OGDHL: variants seen among roughly 807,000 people sequenced by gnomAD.
OGDHL encodes 2-oxoglutarate dehydrogenase-like, mitochondrial.
A neutral mutation model predicts 109.6 loss-of-function variants in OGDHL; 79 were observed. That is an observed-to-expected ratio of 0.72 (90% CI 0.60 to 0.87). OGDHL has a LOEUF of 0.87. Ranked by LOEUF, OGDHL falls within the 40% of genes least tolerant of loss-of-function variation. OGDHL has a pLI of 0.00. For synonymous variants in OGDHL, 528 were observed against 537.2 expected (o/e 0.98, Z 0.24); for missense variants, 1,275 against 1,362.2 (o/e 0.94, Z 1.01).
chr10:49,757,747 G>A (rs1044670070), intron 2 of OGDHL, among the ~76,000 whole-genome samples: 5 of 152,178 alleles, frequency 3.3e-5, no homozygotes, highest in Non-Finnish European at 7.3e-5. Context: ...AAAACAGCAG[G>A]GAGCAAAACA....
At chr10:49,757,285 G>A (rs1023338741) in intron 2 of OGDHL, among the ~76,000 whole-genome samples, 1 of 152,230 alleles carries the variant, frequency 6.6e-6, no homozygotes. Flanking sequence ...TGAAGCAGAA[G>A]AGGATGTATG....
chr10:49,760,113 T>A (rs1315271882), intron 1 of OGDHL, among the ~76,000 whole-genome samples: 1 of 152,236 alleles, frequency 6.6e-6, no homozygotes, highest in East Asian at 1.9e-4. Context: ...GTCACCTCAA[T>A]GGAGGGAGGA....
At position 49,735,318 on chromosome 10, in the gene OGDHL, G is replaced by A. The variant is rs1564517836; in HGVS notation, c.2943C>T (p.Ala981=). ...CCAGGTGAGTGTTCCTGTTTCCTGT[G>A]GCTGGTGCAGCCGCTGGGTCCCGGC... ...YVGRDPAAAP[A]TGNRNTHLVS... is the part of the protein sequence containing the mutation. Residue 981 remains alanine (A), a synonymous_variant, in exon 23 of 23, where the codon GCC becomes GCT. Coordinates refer to ENST00000374103, the MANE Select transcript of OGDHL (RefSeq NM_018245.3). The A allele has an allele frequency of 6.2e-7, 1 of 1,613,902 alleles. No individual in the cohort carries two copies. Among genetic ancestry groups the A allele is most frequent in the Admixed American group, 1.7e-5 (1 of 60,018 alleles).
intron 3 of OGDHL, 133 bp from the exon 4 acceptor site, chr10:49,752,873 C>T: frequency 1.6e-6 from 1 of 644,360 alleles, no homozygotes; most frequent in Non-Finnish European, 2.7e-6. Flanking sequence ...TGCCCCGCGG[C>T]TACTTCACTG....
rs1193691709 is a variant in OGDHL, at chr10:49,734,822, T to C, written c.*406A>G. 1.3e-5 allele frequency: 2 copies of C among 156,640 alleles called. No homozygotes were observed. The highest frequency in any genetic ancestry group is 1.3e-4 in the Admixed American group (2 of 15,586). The allele number at this position is 156,640 out of a possible 1,614,324, so 9.7% of individuals were successfully genotyped here. ...CTGTTACTGCTGAACTCCCTACTTC[T>C]AAGAGCACAGAAGAGAACATCGCTT... On this transcript the variant is annotated 3_prime_UTR_variant, in exon 23 of 23. Coordinates refer to ENST00000374103, the MANE Select transcript of OGDHL (RefSeq NM_018245.3).
In OGDHL at chr10:49,752,605, C is replaced by A. The variant is rs74671228; in HGVS notation, c.478+33G>T. ...GCCCCTTACTGGGCCACCCACACAG[C>A]ACTGCCATGGCCGTCCTGAGGAAGG... On this transcript the variant is annotated intron_variant, in intron 4 of 22. Transcript: ENST00000374103. The A allele has an allele frequency of 7.0e-4, 1,095 of 1,564,130 alleles. 9 individuals are homozygous for A. In the African/African-American group the frequency reaches 0.011, roughly 16 times the overall value.
At chr10:49,752,395 A>T in intron 4 of OGDHL, 147 bp from the exon 5 acceptor site, 1 of 712,780 alleles carries the variant, frequency 1.4e-6, no homozygotes, top group Non-Finnish European at 2.5e-6. Context: ...AGTGAGAGTG[A>T]GCCCAGGGAG....
intron 3 of OGDHL, among the ~76,000 whole-genome samples, chr10:49,753,798 G>A (rs1590756733): frequency 6.6e-6 from 1 of 151,354 alleles, no homozygotes; most frequent in East Asian, 1.9e-4. Context: ...GATGAGGCAG[G>A]AGAATCGCTT....
intron 3 of OGDHL, 80 bp from the exon 4 acceptor site, chr10:49,752,820 C>G: frequency 1.0e-6 from 1 of 953,466 alleles, no homozygotes; most frequent in Non-Finnish European, 1.6e-6. Flanking sequence ...TGGGCCCCAG[C>G]CCCTCTCTTC....
intron 11 of OGDHL, 89 bp downstream of exon 11, chr10:49,745,709 T>C: frequency 6.8e-7 from 1 of 1,477,186 alleles, no homozygotes; most frequent in South Asian, 1.3e-5. Flanking sequence ...CTCCCAGCCC[T>C]GAGTGCTGAA....
chr10:49,743,005 G>A (rs1390016231), intron 14 of OGDHL, 27 bp from the exon 15 acceptor site: 6 of 1,607,884 alleles, frequency 3.7e-6, no homozygotes, highest in Admixed American at 3.3e-5. Flanking sequence ...CTGGCCTGAG[G>A]GCCAAGGGAC....
chr10:49,737,356 T>C (rs1477957906), intron 20 of OGDHL, among the ~76,000 whole-genome samples: 1 of 152,110 alleles, frequency 6.6e-6, no homozygotes, highest in African/African-American at 2.4e-5. Flanking sequence ...ACCTCTCAGT[T>C]GCAACTATAG....
intron 10 of OGDHL, among the ~76,000 whole-genome samples, 165 bp from the exon 11 acceptor site, chr10:49,746,142 G>A (rs1013273012): frequency 2.6e-5 from 4 of 152,158 alleles, no homozygotes; most frequent in Admixed American, 1.3e-4. Context: ...AATTAGACAC[G>A]GCAACAGCTC....
chr10:49,743,060 C>A, intron 14 of OGDHL, 82 bp from the exon 15 acceptor site: 1 of 1,510,252 alleles, frequency 6.6e-7, no homozygotes, highest in South Asian at 1.3e-5. Context: ...ACACACCCCG[C>A]ACAAAGCAGG....
intron 2 of OGDHL, 127 bp downstream of exon 2, chr10:49,758,261 TG>T: frequency 1.1e-6 from 1 of 899,204 alleles, no homozygotes; most frequent in African/African-American, 1.7e-5. Context: ...ACTGAGGACC[TG>T]AGAGGCAAAG....
At chr10:49,745,276 T>C in intron 12 of OGDHL, 68 bp downstream of exon 12, 3 of 1,581,150 alleles carry the variant, frequency 1.9e-6, no homozygotes, top group Non-Finnish European at 2.6e-6. Context: ...GCTGGTAACA[T>C]CTACAACCCC....
At chr10:49,749,437 A>G (rs1358166350) in intron 8 of OGDHL, among the ~76,000 whole-genome samples, 2 of 152,168 alleles carry the variant, frequency 1.3e-5, no homozygotes, top group African/African-American at 4.8e-5. Flanking sequence ...AGCAGAACTG[A>G]GCAACTTCCA....
intron 1 of OGDHL, among the ~76,000 whole-genome samples, chr10:49,761,917 T>C (rs546242727): frequency 6.6e-6 from 1 of 152,284 alleles, no homozygotes; most frequent in Admixed American, 6.5e-5. Flanking sequence ...GGCCCTCCCC[T>C]GGCCACGGAA....
rs779135859 is a variant in OGDHL, at chr10:49,744,137, G to A, written c.1733-15C>T. The A allele has an allele frequency of 2.5e-5, 41 of 1,612,852 alleles. No individual in the cohort carries two copies. The Middle Eastern group carries it at 5.0e-4, about 19-fold the overall frequency. On this transcript the variant is annotated splice_polypyrimidine_tract_variant and intron_variant, in intron 13 of 22. Transcript: ENST00000374103. Reference sequence around the variant, plus strand: ...GTTGAAGAAGCCTGAGAGGGAGAGAGGCTCTGTCCACACTGTGTCAGTGGT... The same window carrying A: ...GTTGAAGAAGCCTGAGAGGGAGAGAAGCTCTGTCCACACTGTGTCAGTGGT...
Sources: gnomAD v4.1 joint callset for allele counts (sites outside exome capture counted in the v4.1 genomes callset) on GRCh38, gnomAD v4.1.1 for gene constraint, MANE v1.5 for transcripts, NCBI Gene and HGNC (gene_info 2026-07-23, HGNC 2026-07-21) for gene names.